The following CEP15 variants were observed in gnomAD, a reference collection of about 807,000 sequenced individuals.
CEP15 encodes centrosomal protein 15 kDa.
chr3:62,328,575 G>A, the CEP15 span, among the ~76,000 whole-genome samples: 1 of 152,118 alleles, frequency 6.6e-6, no homozygotes, highest in African/African-American at 2.4e-5. Flanking sequence ...CTAGTGGCAA[G>A]TCTATAAGAC....
chr3:62,329,552 T>C, the CEP15 span, among the ~76,000 whole-genome samples: 1 of 152,230 alleles, frequency 6.6e-6, no homozygotes, highest in South Asian at 2.1e-4. Context: ...AAAGCAAATA[T>C]CTCTTAAGCT....
At chr3:62,335,836 AT>A in the CEP15 span, 1 of 152,094 alleles carries the variant, frequency 6.6e-6, no homozygotes, top group African/African-American at 2.4e-5. Flanking sequence ...TTCAAAGCTC[AT>A]TTTCTGCAGA....
the CEP15 span, chr3:62,333,792 CT>C: frequency 2.0e-3 from 288 of 143,114 alleles, 1 homozygote; most frequent in Middle Eastern, 7.3e-3. The surrounding 1 kb of genome is among the most constrained non-coding windows in gnomAD (Gnocchi z 4.0). Context: ...CAACATGGTT[CT>C]TTTTTTTTTT....
chr3:62,323,656 A>G, the CEP15 span, among the ~76,000 whole-genome samples: 1 of 152,236 alleles, frequency 6.6e-6, no homozygotes, highest in East Asian at 1.9e-4. Flanking sequence ...AAAAATGGAG[A>G]GAACAGTGTT....
chr3:62,320,529 GT>G, the CEP15 span: 12 of 1,607,434 alleles, frequency 7.5e-6, no homozygotes, highest in African/African-American at 1.1e-4. Flanking sequence ...AGAAATGTAA[GT>G]TTTTTTAAAG....
chr3:62,320,726 T>G, the CEP15 span, among the ~76,000 whole-genome samples: 1 of 152,212 alleles, frequency 6.6e-6, no homozygotes, highest in Non-Finnish European at 1.5e-5. Flanking sequence ...TTTTTACTCT[T>G]TGTAAGTAAT....
chr3:62,331,225 AGAGTT>A, the CEP15 span: 3 of 929,588 alleles, frequency 3.2e-6, no homozygotes, highest in South Asian at 4.3e-5. Flanking sequence ...TATCCAGAGA[AGAGTT>A]GAGGTGAGAG....
At chr3:62,328,265 T>C in the CEP15 span, among the ~76,000 whole-genome samples, 4 of 152,352 alleles carry the variant, frequency 2.6e-5, no homozygotes, top group African/African-American at 9.6e-5. Flanking sequence ...ACCTTCTTTT[T>C]CTAACACCAA....
chr3:62,334,926 T>G, the CEP15 span: 8 of 146,840 alleles, frequency 5.4e-5, no homozygotes, highest in East Asian at 2.0e-4. The surrounding 1 kb of genome is among the most constrained non-coding windows in gnomAD (Gnocchi z 4.9). Flanking sequence ...GAGGAAGTTG[T>G]TTTTTTTTTT....
At chr3:62,329,917 C>T in the CEP15 span, among the ~76,000 whole-genome samples, 49 of 152,172 alleles carry the variant, frequency 3.2e-4, 1 homozygote, top group African/African-American at 1.2e-3. Context: ...TGTAAAATCT[C>T]GGTATAATCG....
chr3:62,323,634 C>T, the CEP15 span, among the ~76,000 whole-genome samples: 1 of 151,994 alleles, frequency 6.6e-6, no homozygotes, highest in Admixed American at 6.6e-5. Context: ...TATTTAGATG[C>T]AAGATGATTT....
At chr3:62,329,268 A>C in the CEP15 span, among the ~76,000 whole-genome samples, 1 of 152,178 alleles carries the variant, frequency 6.6e-6, no homozygotes, top group Non-Finnish European at 1.5e-5. Flanking sequence ...AGGGAAGAGA[A>C]TTCCCACTAT....
the CEP15 span, among the ~76,000 whole-genome samples, chr3:62,326,493 A>G: frequency 2.6e-5 from 4 of 152,178 alleles, no homozygotes; most frequent in African/African-American, 9.7e-5. Flanking sequence ...ATGTATAGGG[A>G]TGGGAAGAGA....
At chr3:62,323,323 T>C in the CEP15 span, among the ~76,000 whole-genome samples, 3 of 152,110 alleles carry the variant, frequency 2.0e-5, no homozygotes, top group Non-Finnish European at 4.4e-5. Flanking sequence ...GCTAGAATAT[T>C]CCAAAAGGTC....
the CEP15 span, chr3:62,335,098 A>G: frequency 6.6e-6 from 1 of 152,294 alleles, no homozygotes; most frequent in Admixed American, 6.5e-5. Context: ...TGGTTGATAC[A>G]TTAACATCCT....
At chr3:62,324,427 TG>T in the CEP15 span, among the ~76,000 whole-genome samples, 1 of 152,160 alleles carries the variant, frequency 6.6e-6, no homozygotes, top group Admixed American at 6.5e-5. Flanking sequence ...AAATAAGACT[TG>T]ATTGCAGAAT....
the CEP15 span, among the ~76,000 whole-genome samples, chr3:62,328,164 A>C: frequency 2.0e-5 from 3 of 152,290 alleles, no homozygotes; most frequent in East Asian, 5.8e-4. Flanking sequence ...TGTTGTTGTT[A>C]AGATAAAATA....
chr3:62,331,312 A>G, the CEP15 span: 1 of 1,611,588 alleles, frequency 6.2e-7, no homozygotes, highest in Non-Finnish European at 8.5e-7. Flanking sequence ...TAAAATGCCG[A>G]TATCTGTTAC....
chr3:62,334,277 C>T, the CEP15 span: 4 of 151,526 alleles, frequency 2.6e-5, no homozygotes, highest in East Asian at 7.7e-4. The surrounding 1 kb of genome is among the most constrained non-coding windows in gnomAD (Gnocchi z 4.9). Flanking sequence ...TATAACTTTC[C>T]AGCTATAGAG....
Sources: allele counts gnomAD v4.1 joint callset (sites outside exome capture counted in the v4.1 genomes callset), GRCh38; gene constraint gnomAD v4.1.1; non-coding constraint Gnocchi (gnomAD v3.1); transcripts MANE v1.5; gene names NCBI Gene and HGNC (gene_info 2026-07-23, HGNC 2026-07-21).